HYAL1: variants seen among roughly 807,000 people sequenced by gnomAD.
HYAL1 encodes the protein hyaluronidase-1.
In HYAL1, 21 loss-of-function variants were observed where a neutral mutation model predicts 28.8. The observed-to-expected ratio is 0.73, with a 90% CI of 0.52 to 1.05. The LOEUF is 1.05. Ranked by LOEUF, HYAL1 falls within the 50% of genes least tolerant of loss-of-function variation. The pLI is 0.00. For missense variants in HYAL1, 491 were observed against 579.2 expected (o/e 0.85, Z 1.56); for synonymous variants, 200 against 230.1 (o/e 0.87, Z 1.18).
upstream of HYAL1, among the ~76,000 whole-genome samples, chr3:50,305,523 G>A (rs1377618334): frequency 7.7e-5 from 11 of 143,304 alleles, no homozygotes; most frequent in South Asian, 2.2e-4. Context: ...GATTACAGGT[G>A]TGAGCCACCG....
chr3:50,302,295 C>T lies in HYAL1; in HGVS notation c.662G>A (p.Cys221Tyr). The T allele has an allele frequency of 6.2e-7, 1 of 1,613,734 alleles. No individual in the cohort carries two copies. The highest frequency in any genetic ancestry group is 1.1e-5 in the South Asian group (1 of 91,088). The change falls in exon 2 of 4, where the codon TGC (cysteine) becomes TAC (tyrosine). Residue 221 changes from cysteine (C) to tyrosine (Y), a missense_variant. Cys to Tyr is a radical substitution (Grantham distance 194). Coordinates refer to ENST00000395144, the MANE Select transcript of HYAL1 (RefSeq NM_033159.4). This position sits in a 1 kb window ranked among gnomAD's most constrained non-coding sequence, Gnocchi z 5.0. The part of the protein sequence containing the change: ...DFLSPNYTGQ[C>Y]PSGIRAQNDQ... ...ATTTTGGGCACGGATGCCTGATGGG[C>T]ACTGGCCGGTGTAGTTGGGGCTTAG...
upstream of HYAL1, among the ~76,000 whole-genome samples, chr3:50,307,756 C>G (rs1553714190): frequency 3.4e-5 from 5 of 147,852 alleles, no homozygotes; most frequent in Non-Finnish European, 7.4e-5. Flanking sequence ...AAAGTCCAAC[C>G]ATGTCATGAA....
chr3:50,311,615 G>A (rs1195221894), intron 1 of HYAL1, among the ~76,000 whole-genome samples: 7 of 138,832 alleles, frequency 5.0e-5, no homozygotes, highest in Non-Finnish European at 7.8e-5. Flanking sequence ...CTGGCCGGGC[G>A]GGGGGCTGAC....
At chr3:50,306,219 C>CTTT (rs1173166946), upstream of HYAL1, among the ~76,000 whole-genome samples, 235 of 84,224 alleles carry the variant, frequency 2.8e-3, 1 homozygote, top group East Asian at 0.035. Context: ...CTGTACAACT[C>CTTT]TTTTTTTTTT....
In HYAL1 at chr3:50,301,074, C is replaced by T; in HGVS notation, c.904G>A (p.Glu302Lys). Reference protein sequence around the residue: ...DTTNHFLPLDELEHSLGESAA... With the variant: ...DTTNHFLPLDKLEHSLGESAA... Reference sequence around the variant, plus strand: ...CTCTCCCCCAGGCTGTGCTCCAGCTCATCCTGGGAAGGAGACAGCACAGCT... The same window carrying T: ...CTCTCCCCCAGGCTGTGCTCCAGCTTATCCTGGGAAGGAGACAGCACAGCT... Residue 302 changes from glutamate (E) to lysine (K), a missense_variant, in exon 3 of 4, where the codon GAG (glutamate) becomes AAG (lysine). Glu to Lys is a moderately conservative substitution (Grantham distance 56). Transcript: ENST00000395144. 6.2e-7 allele frequency: 1 copy of T among 1,610,978 alleles called. No individual in the cohort carries two copies. Among genetic ancestry groups the T allele is most frequent in the South Asian group, 1.1e-5 (1 of 90,968 alleles).
chr3:50,304,577 C>T (rs145499987), upstream of HYAL1, among the ~76,000 whole-genome samples: 859 of 151,544 alleles, frequency 5.7e-3, 7 homozygotes, highest in African/African-American at 0.02. Context: ...AATATATTTA[C>T]ATTTATATTC....
At chr3:50,306,115 G>C (rs1485798026), upstream of HYAL1, among the ~76,000 whole-genome samples, 1 of 151,034 alleles carries the variant, frequency 6.6e-6, no homozygotes, top group Non-Finnish European at 1.5e-5. Flanking sequence ...TAACTTTATG[G>C]CTCAAACCAA....
At chr3:50,301,998 G>A in intron 2 of HYAL1, 59 bp downstream of exon 2, 6 of 1,550,022 alleles carry the variant, frequency 3.9e-6, no homozygotes, top group Non-Finnish European at 5.3e-6. Context: ...GTACCCCAAG[G>A]CTGGACCTAA....
At chr3:50,311,885 G>A (rs1353928521) in intron 1 of HYAL1, among the ~76,000 whole-genome samples, 324 of 147,004 alleles carry the variant, frequency 2.2e-3, no homozygotes, top group African/African-American at 7.6e-3. Context: ...GCGGCTGGCC[G>A]GGCGGGGGGC....
In HYAL1 at chr3:50,300,546, C is replaced by A; in HGVS notation, c.1245G>T (p.Glu415Asp). The change falls in exon 4 of 4, where the codon GAG (glutamate) becomes GAT (aspartate). Residue 415 changes from glutamate (E) to aspartate (D), a missense_variant. Glu to Asp is a conservative substitution (Grantham distance 45). Coordinates refer to ENST00000395144, the MANE Select transcript of HYAL1 (RefSeq NM_033159.4). The part of the protein sequence containing the change: ...SLEDQAQMAV[E>D]FKCRCYPGWQ... ...AGCCAGGGTAGCATCGACATTTGAA[C>A]TCCACAGCCATCTGTGCCTGATCTT... 1 of 1,614,270 alleles carries A rather than the reference C, an allele frequency of 6.2e-7. No homozygotes were observed.
At chr3:50,308,631 T>C (rs1341923948) in intron 2 of HYAL1, among the ~76,000 whole-genome samples, 1 of 150,052 alleles carries the variant, frequency 6.7e-6, no homozygotes, top group Admixed American at 6.6e-5. Flanking sequence ...GTATTTTTGG[T>C]AGAGACAGGG....
At chr3:50,308,944 T>G (rs1246383719) in intron 2 of HYAL1, among the ~76,000 whole-genome samples, 1 of 147,742 alleles carries the variant, frequency 6.8e-6, no homozygotes, top group Non-Finnish European at 1.5e-5. Flanking sequence ...TTGGTCAGGA[T>G]GGTCTTGAAC....
chr3:50,300,189 G>A lies in HYAL1; in HGVS notation c.*294C>T. 4.3e-6 allele frequency: 2 copies of A among 461,560 alleles called. No individual in the cohort carries two copies. Among genetic ancestry groups the A allele is most frequent in the Non-Finnish European group, 8.0e-6 (2 of 249,358 alleles). The allele number at this position is 461,560 out of a possible 1,614,324, so 28.6% of individuals were successfully genotyped here. A position where few individuals can be genotyped will look rare whatever the true frequency, so the allele number is the denominator to read the frequency against. On this transcript the variant is annotated 3_prime_UTR_variant, in exon 4 of 4. Coordinates refer to ENST00000395144, the MANE Select transcript of HYAL1 (RefSeq NM_033159.4). ...AGGCACTCAGTGAATGTCAGCCTTT[G>A]TGATTGCTGCAGTTCAAAGACTGGC...
chr3:50,304,600 A>G (rs1260309220), upstream of HYAL1, among the ~76,000 whole-genome samples: 2 of 151,748 alleles, frequency 1.3e-5, no homozygotes, highest in African/African-American at 4.8e-5. Context: ...CTTCTGATTA[A>G]AAAAACATTT....
intron 1 of HYAL1, among the ~76,000 whole-genome samples, chr3:50,310,435 T>G (rs1241676928): frequency 1.3e-5 from 2 of 150,312 alleles, no homozygotes; most frequent in African/African-American, 2.5e-5. Context: ...GGCTATTTTT[T>G]TTTTGTATTT....
chr3:50,304,335 A>G (rs1487064970), upstream of HYAL1, among the ~76,000 whole-genome samples: 2 of 111,148 alleles, frequency 1.8e-5, no homozygotes, highest in Middle Eastern at 4.6e-3. Flanking sequence ...ATATATATAT[A>G]TATGGCTATA....
chr3:50,307,680 G>GAAAAAAAAAAA (rs1160592800), upstream of HYAL1, among the ~76,000 whole-genome samples: 1 of 24,988 alleles, frequency 4.0e-5, no homozygotes. Context: ...GACTCCATCT[G>GAAAAAAAAAAA]AAAAAAAAAA....
intron 1 of HYAL1, among the ~76,000 whole-genome samples, chr3:50,310,991 C>T (rs1339452661): frequency 1.3e-5 from 2 of 152,260 alleles, no homozygotes; most frequent in South Asian, 4.1e-4. Context: ...AAGTCTCCCA[C>T]GTCTACATCT....
Position 50,302,387 on chromosome 3 carries a change from C to G in HYAL1, c.570G>C (p.Gly190=). 1.9e-6 allele frequency: 3 copies of G among 1,613,812 alleles called. No homozygotes were observed. The South Asian group carries it at 3.3e-5, about 18-fold the overall frequency. ...AGAGGCCGCGAGGACGCAGTGCCCG[C>G]CCCAGCTGGAGGGTGCCTGCCATCC... The part of the protein sequence containing the change: ...RAWMAGTLQL[G]RALRPRGLWG... The change falls in exon 2 of 4, where the codon GGG becomes GGC. Residue 190 remains glycine, a synonymous_variant. Transcript: ENST00000395144. This position sits in a 1 kb window ranked among gnomAD's most constrained non-coding sequence, Gnocchi z 5.0.
Sources: allele counts gnomAD v4.1 joint callset (sites outside exome capture counted in the v4.1 genomes callset), GRCh38; gene constraint gnomAD v4.1.1; non-coding constraint Gnocchi (gnomAD v3.1); transcripts MANE v1.5; gene names NCBI Gene and HGNC (gene_info 2026-07-23, HGNC 2026-07-21).